Variants in PPM1E observed in about 807,000 individuals in gnomAD.
PPM1E encodes protein phosphatase, Mg2+/Mn2+ dependent 1E.
Under a neutral mutation model 65.9 loss-of-function variants are expected in PPM1E, and 20 were observed. The ratio of observed to expected loss-of-function variants is 0.30; its 90% CI spans 0.21 to 0.44. The LOEUF is 0.44. Among genes scored for constraint, PPM1E ranks in the 20% least tolerant of loss-of-function variants. The pLI is 1.00. For synonymous variants in PPM1E, 352 were observed against 374.9 expected (o/e 0.94, Z 0.70); for missense variants, 713 against 953.1 (o/e 0.75, Z 3.32).
intron 1 of PPM1E, among the ~76,000 whole-genome samples, chr17:58,931,765 G>A (rs2051902909): frequency 6.6e-6 from 1 of 152,056 alleles, no homozygotes; most frequent in African/African-American, 2.4e-5. Flanking sequence ...TGTTATTTAG[G>A]TAAAAAGGCA....
chr17:58,956,634 A>G (rs2029880803), intron 2 of PPM1E, among the ~76,000 whole-genome samples: 1 of 152,140 alleles, frequency 6.6e-6, no homozygotes, highest in South Asian at 2.1e-4. Flanking sequence ...ATTTTTTTCC[A>G]GATAAATTAT....
intron 1 of PPM1E, among the ~76,000 whole-genome samples, chr17:58,839,191 T>G (rs1458035658): frequency 6.6e-6 from 1 of 152,050 alleles, no homozygotes; most frequent in Non-Finnish European, 1.5e-5. Flanking sequence ...CTTTCACAGG[T>G]AGGCATGGTG....
chr17:58,982,935 AAAAC>A lies in PPM1E; in HGVS notation c.*1908_*1911del. 8.9e-6 allele frequency: 14 copies of A among 1,574,112 alleles called. No homozygotes were observed. Among genetic ancestry groups the A allele is most frequent in the Non-Finnish European group, 1.1e-5 (13 of 1,158,162 alleles). On this transcript the variant is annotated 3_prime_UTR_variant, in exon 7 of 7. Transcript: ENST00000308249. ...AAATCAAATTATCTAAGAAAACAAG[AAAAC>A]AAAGGCAGCAGACTATTGGTACACA...
intron 1 of PPM1E, among the ~76,000 whole-genome samples, chr17:58,793,979 G>A (rs1387709443): frequency 1.3e-5 from 2 of 152,098 alleles, no homozygotes; most frequent in Admixed American, 6.6e-5. Context: ...GAGTAGCTGG[G>A]ACTACAGGCA....
intron 1 of PPM1E, among the ~76,000 whole-genome samples, chr17:58,763,234 A>AG (rs1206033159): frequency 2.6e-5 from 4 of 152,124 alleles, no homozygotes; most frequent in Non-Finnish European, 5.9e-5. Flanking sequence ...TAAGGAACCC[A>AG]GGCTGATGGA....
At chr17:58,803,520 A>T (rs922303129) in intron 1 of PPM1E, among the ~76,000 whole-genome samples, 2 of 152,122 alleles carry the variant, frequency 1.3e-5, no homozygotes, top group Non-Finnish European at 2.9e-5. Context: ...TTCATCAGGG[A>T]TATTGGCACT....
At position 58,984,131 on chromosome 17, in the gene PPM1E, A is replaced by C. The variant is rs2031574338; in HGVS notation, c.*3100A>C. On this transcript the variant is annotated 3_prime_UTR_variant, in exon 7 of 7. Transcript: ENST00000308249. Reference sequence around the variant, plus strand: ...AAGTGCCATCCATTGTCCTTGAATTATTATGATTAAAGTTACTGTTGCATT... The same window carrying C: ...AAGTGCCATCCATTGTCCTTGAATTCTTATGATTAAAGTTACTGTTGCATT... 1 of 152,642 alleles carries C rather than the reference A, an allele frequency of 6.6e-6. No individual in the cohort carries two copies. 9.5% of individuals were successfully genotyped at this position (152,642 alleles called of 1,614,324 possible). A position where few individuals can be genotyped will look rare whatever the true frequency, so the allele number is the denominator to read the frequency against.
At chr17:58,810,288 A>G (rs1227203388) in intron 1 of PPM1E, among the ~76,000 whole-genome samples, 4 of 152,002 alleles carry the variant, frequency 2.6e-5, no homozygotes, top group East Asian at 1.9e-4. Flanking sequence ...GCTCACTGCA[A>G]CCTCCGCCTC....
intron 1 of PPM1E, among the ~76,000 whole-genome samples, chr17:58,758,899 G>A (rs981577167): frequency 4.6e-5 from 7 of 151,832 alleles, no homozygotes; most frequent in African/African-American, 1.7e-4. Context: ...GCAAAACCCC[G>A]TCTCTACTAA....
intron 1 of PPM1E, among the ~76,000 whole-genome samples, chr17:58,942,237 G>A (rs1189933878): frequency 6.6e-6 from 1 of 151,674 alleles, no homozygotes; most frequent in Non-Finnish European, 1.5e-5. Context: ...CAAAAAACGG[G>A]GCATGGGTCA....
At chr17:58,932,987 ACT>A (rs1211087652) in intron 1 of PPM1E, among the ~76,000 whole-genome samples, 1 of 152,172 alleles carries the variant, frequency 6.6e-6, no homozygotes, top group Non-Finnish European at 1.5e-5. Context: ...AAATACTTAC[ACT>A]GTGTTAAAAC....
chr17:58,813,533 A>G (rs2050389866), intron 1 of PPM1E, among the ~76,000 whole-genome samples: 1 of 152,184 alleles, frequency 6.6e-6, no homozygotes, highest in Non-Finnish European at 1.5e-5. Flanking sequence ...TCTTGCCAAG[A>G]TAGTAGGGGT....
At chr17:58,946,013 C>T (rs146371863) in intron 1 of PPM1E, among the ~76,000 whole-genome samples, 149 of 152,186 alleles carry the variant, frequency 9.8e-4, no homozygotes, top group African/African-American at 3.4e-3. Context: ...TCTCCCTTCC[C>T]TAGAAAATGG....
Position 58,892,240 on chromosome 17 carries a change from G to C in PPM1E, c.465-63409G>C, listed in dbSNP as rs1250820077. ...CTGCAGAGGAGAAAATTTATACTTA[G>C]GTAAAAATTAGGATACATGCTTGTG... is the stretch of plus-strand genomic sequence containing the variant. On this transcript the variant is annotated intron_variant, in intron 1 of 6. Coordinates refer to ENST00000308249, the MANE Select transcript of PPM1E (RefSeq NM_014906.5). Among the ~76,000 whole-genome samples the C allele has an allele frequency of 2.0e-5, 3 of 152,170 alleles. No homozygotes were observed. The South Asian group carries it at 6.2e-4, about 32-fold the overall frequency.
chr17:58,864,984 T>G (rs2050984400), intron 1 of PPM1E, among the ~76,000 whole-genome samples: 1 of 152,056 alleles, frequency 6.6e-6, no homozygotes. Context: ...CAAAATAAAT[T>G]CCAGATTCAT....
rs1384391894 is a variant in PPM1E, at chr17:58,927,813, C to G, written c.465-27836C>G. Among the ~76,000 whole-genome samples, 6 of 152,132 alleles carry G rather than the reference C, an allele frequency of 3.9e-5. No individual in the cohort carries two copies. In the East Asian group the frequency reaches 1.2e-3, roughly 30 times the overall value. On this transcript the variant is annotated intron_variant, in intron 1 of 6. Coordinates refer to ENST00000308249, the MANE Select transcript of PPM1E (RefSeq NM_014906.5). ...GTGGCTCATGCCTGTAATCCCAGCA[C>G]TTTGGGAGGCTGAGGCAGGCGGATC...
At chr17:58,869,495 C>CA (rs2143337915) in intron 1 of PPM1E, among the ~76,000 whole-genome samples, 1 of 152,124 alleles carries the variant, frequency 6.6e-6, no homozygotes, top group East Asian at 1.9e-4. Flanking sequence ...CACCTCCCCT[C>CA]AATTTCTTCC....
chr17:58,967,655 G>GT (rs2030339529), intron 3 of PPM1E, among the ~76,000 whole-genome samples: 3 of 151,660 alleles, frequency 2.0e-5, no homozygotes, highest in African/African-American at 7.3e-5. Flanking sequence ...AATGTTTTGT[G>GT]TTTTTTTAAA....
At position 58,985,049 on chromosome 17, in the gene PPM1E, C is replaced by G. The variant is rs1253272862; in HGVS notation, c.*4018C>G. 1 of 152,600 alleles carries G rather than the reference C, an allele frequency of 6.6e-6. No homozygotes were observed. Among genetic ancestry groups the G allele is most frequent in the East Asian group, 1.9e-4 (1 of 5,196 alleles). The allele number at this position is 152,600 out of a possible 1,614,324, so 9.5% of individuals were successfully genotyped here. On this transcript the variant is annotated 3_prime_UTR_variant, in exon 7 of 7. Coordinates refer to ENST00000308249, the MANE Select transcript of PPM1E (RefSeq NM_014906.5). ...AAATTTATCAATTTACAAATCTGCT[C>G]TACATCTCACTTTTGAGTTCAGTTG...
Sources: gnomAD v4.1 joint callset for allele counts (sites outside exome capture counted in the v4.1 genomes callset) on GRCh38, gnomAD v4.1.1 for gene constraint, MANE v1.5 for transcripts, NCBI Gene and HGNC (gene_info 2026-07-23, HGNC 2026-07-21) for gene names.